Variants in BLTP3B observed in about 807,000 individuals in gnomAD.
The protein encoded by BLTP3B is bridge-like lipid transfer protein family member 3B, also known as UHRF1 (ICBP90) binding protein 1-like.
chr12:100,094,208 A>G, the BLTP3B span, among the ~76,000 whole-genome samples: 1 of 152,180 alleles, frequency 6.6e-6, no homozygotes, highest in Non-Finnish European at 1.5e-5. Flanking sequence ...GGGTTCAAAC[A>G]ATCTTCATGC....
chr12:100,086,372 A>AAAG, the BLTP3B span: 14 of 439,214 alleles, frequency 3.2e-5, no homozygotes, highest in Admixed American at 7.4e-5. Context: ...GGAAAAAAAA[A>AAAG]GGGGGGGGGG....
the BLTP3B span, chr12:100,095,872 C>T: frequency 6.6e-7 from 1 of 1,521,334 alleles, no homozygotes; most frequent in Non-Finnish European, 8.8e-7. Context: ...AAAATTAAGC[C>T]AAGATATAAA....
chr12:100,045,824 A>C, the BLTP3B span, among the ~76,000 whole-genome samples: 6 of 152,202 alleles, frequency 3.9e-5, no homozygotes, highest in African/African-American at 1.2e-4. Flanking sequence ...TTTGCAGTCT[A>C]CTCATCTGAC....
the BLTP3B span, chr12:100,103,988 TAAG>T: frequency 6.6e-7 from 1 of 1,519,892 alleles, no homozygotes; most frequent in East Asian, 2.3e-5. Flanking sequence ...GATCAATCAT[TAAG>T]AAGAAAATAA....
the BLTP3B span, among the ~76,000 whole-genome samples, chr12:100,099,130 T>C: frequency 3.0e-3 from 460 of 151,530 alleles, 2 homozygotes; most frequent in African/African-American, 0.01. Flanking sequence ...GTGGCTGGGA[T>C]TACAGGCATG....
the BLTP3B span, among the ~76,000 whole-genome samples, chr12:100,103,086 A>T: frequency 6.6e-6 from 1 of 152,084 alleles, no homozygotes; most frequent in African/African-American, 2.4e-5. Flanking sequence ...AGCTATGTGT[A>T]TTACAGGTGT....
chr12:100,074,273 A>G, the BLTP3B span, among the ~76,000 whole-genome samples: 1 of 152,158 alleles, frequency 6.6e-6, no homozygotes, highest in Admixed American at 6.6e-5. Flanking sequence ...AACAAATCCT[A>G]GGAATACATC....
At chr12:100,072,667 C>T in the BLTP3B span, 1 of 1,503,838 alleles carries the variant, frequency 6.6e-7, no homozygotes, top group South Asian at 1.4e-5. Flanking sequence ...TAAAAACTCT[C>T]TTACTTGGAA....
chr12:100,048,320 T>C, the BLTP3B span: 2 of 1,059,518 alleles, frequency 1.9e-6, no homozygotes, highest in East Asian at 2.6e-5. Context: ...TGATACTCTA[T>C]AGTACATATA....
the BLTP3B span, among the ~76,000 whole-genome samples, chr12:100,134,208 T>TAA: frequency 2.6e-5 from 4 of 152,176 alleles, no homozygotes; most frequent in African/African-American, 9.7e-5. Context: ...GTTTATTGCA[T>TAA]AAGCCAAAGG....
At chr12:100,141,689 T>A in the BLTP3B span, among the ~76,000 whole-genome samples, 1 of 152,080 alleles carries the variant, frequency 6.6e-6, no homozygotes, top group Non-Finnish European at 1.5e-5. Flanking sequence ...CAGAAAGGGA[T>A]CCTAACCAAG....
chr12:100,071,281 G>C, the BLTP3B span, among the ~76,000 whole-genome samples: 1 of 152,078 alleles, frequency 6.6e-6, no homozygotes, highest in Non-Finnish European at 1.5e-5. Context: ...CAGACCACTT[G>C]AGGCCAGGAG....
At chr12:100,134,223 C>G in the BLTP3B span, among the ~76,000 whole-genome samples, 1 of 152,164 alleles carries the variant, frequency 6.6e-6, no homozygotes, top group East Asian at 1.9e-4. Context: ...CAAAGGATAA[C>G]CACAAACATA....
the BLTP3B span, among the ~76,000 whole-genome samples, chr12:100,101,687 C>T: frequency 2.0e-5 from 3 of 152,232 alleles, no homozygotes; most frequent in Non-Finnish European, 4.4e-5. Flanking sequence ...GATCCCCATA[C>T]TTCTGCTGTA....
the BLTP3B span, among the ~76,000 whole-genome samples, chr12:100,124,968 ATATATATATATT>A: frequency 1.5e-4 from 14 of 93,156 alleles, no homozygotes; most frequent in East Asian, 3.3e-3. Flanking sequence ...ATATATATAT[ATATATATATATT>A]TATATTTATT....
the BLTP3B span, among the ~76,000 whole-genome samples, chr12:100,077,207 G>C: frequency 1.3e-5 from 2 of 152,020 alleles, no homozygotes; most frequent in African/African-American, 4.8e-5. Flanking sequence ...TATTTTCTAT[G>C]TTTGGTAAGG....
At chr12:100,134,196 T>C in the BLTP3B span, among the ~76,000 whole-genome samples, 1 of 152,176 alleles carries the variant, frequency 6.6e-6, no homozygotes, top group African/African-American at 2.4e-5. Flanking sequence ...TTCCCAGTAA[T>C]TGTTTATTGC....
chr12:100,099,001 T>TATTATTA, the BLTP3B span, among the ~76,000 whole-genome samples: 3 of 140,692 alleles, frequency 2.1e-5, no homozygotes, highest in African/African-American at 2.9e-5. Flanking sequence ...ATTTTATTAT[T>TATTATTA]TTTTTTTTCC....
the BLTP3B span, chr12:100,070,157 C>CTT: frequency 6.4e-7 from 1 of 1,570,472 alleles, no homozygotes. Flanking sequence ...TTCTCATCTG[C>CTT]TTAGGAAGGC....
Sources: allele counts gnomAD v4.1 joint callset (sites outside exome capture counted in the v4.1 genomes callset), GRCh38; gene constraint gnomAD v4.1.1; transcripts MANE v1.5; gene names NCBI Gene and HGNC (gene_info 2026-07-23, HGNC 2026-07-21).